The following BUB1B variants were observed in gnomAD, a reference collection of about 807,000 sequenced individuals.
The protein encoded by BUB1B is mitotic checkpoint serine/threonine-protein kinase BUB1 beta.
BUB1B carries 86 observed loss-of-function variants against 137.7 expected under a neutral mutation model. The ratio of observed to expected loss-of-function variants is 0.62; its 90% CI spans 0.52 to 0.75. The LOEUF (loss-of-function observed/expected upper bound fraction) is 0.75. Among genes scored for constraint, BUB1B ranks in the 30% least tolerant of loss-of-function variants. The probability of loss-of-function intolerance (pLI) is 0.00; values close to 1 mark genes in which losing one functional copy is unlikely to be tolerated. For missense variants in BUB1B, 1,130 were observed against 1,236.9 expected, an observed-to-expected ratio of 0.91 and a Z score of 1.30; for synonymous variants, 420 against 417.9, an observed-to-expected ratio of 1.00 and a Z score of -0.06.
intron 2 of BUB1B, among the ~76,000 whole-genome samples, chr15:40,168,900 C>G (rs996744169): frequency 2.6e-5 from 4 of 152,166 alleles, no homozygotes; most frequent in African/African-American, 9.7e-5. Context: ...CCTTCTGAGG[C>G]TGCTTCTGTG....
At chr15:40,167,934 A>G (rs2037120468) in intron 2 of BUB1B, among the ~76,000 whole-genome samples, 1 of 152,192 alleles carries the variant, frequency 6.6e-6, no homozygotes, top group Non-Finnish European at 1.5e-5. Flanking sequence ...GATTAGTTTT[A>G]CATAGCAAGT....
At chr15:40,191,179 C>T (rs145401398) in intron 8 of BUB1B, among the ~76,000 whole-genome samples, 98 of 152,268 alleles carry the variant, frequency 6.4e-4, no homozygotes, top group African/African-American at 2.3e-3. Context: ...TGAGCCACTG[C>T]GCCTGGCCAG....
At chr15:40,184,160 C>T (rs2037331519) in intron 6 of BUB1B, among the ~76,000 whole-genome samples, 1 of 152,142 alleles carries the variant, frequency 6.6e-6, no homozygotes, top group Non-Finnish European at 1.5e-5. Flanking sequence ...AGTAACATAG[C>T]AGGTGTTGTT....
At chr15:40,169,404 AAC>A (rs1359113434) in intron 2 of BUB1B, among the ~76,000 whole-genome samples, 1 of 152,054 alleles carries the variant, frequency 6.6e-6, no homozygotes, top group Non-Finnish European at 1.5e-5. Flanking sequence ...GGAAACTGAA[AAC>A]AGAGTTTTAA....
At chr15:40,208,859 G>A (rs1566827311) in intron 16 of BUB1B, 89 bp downstream of exon 16, 1 of 1,352,104 alleles carries the variant, frequency 7.4e-7, no homozygotes, top group Non-Finnish European at 1.0e-6. Context: ...TTTTGAGACA[G>A]GGTCTCACTC....
intron 5 of BUB1B, 100 bp from the exon 6 acceptor site, chr15:40,183,614 C>A (rs2037322576): frequency 9.6e-7 from 1 of 1,045,478 alleles, no homozygotes; most frequent in Non-Finnish European, 1.5e-6. Flanking sequence ...ATTCTTCCCC[C>A]AGCCTGCTCT....
At chr15:40,205,936 G>A (rs1211398378) in intron 14 of BUB1B, among the ~76,000 whole-genome samples, 2 of 152,166 alleles carry the variant, frequency 1.3e-5, no homozygotes, top group African/African-American at 4.8e-5. Flanking sequence ...TTAGTTCATA[G>A]GTGAAATTTG....
rs762290287 is a variant in BUB1B, at chr15:40,218,506, A to T, written c.2901A>T (p.Glu967Asp). The T allele has an allele frequency of 3.1e-6, 5 of 1,614,150 alleles. No individual in the cohort carries two copies. In the East Asian group the frequency reaches 1.1e-4, roughly 36 times the overall value. ...ADLAHLLLFK[E>D]HLQVFWDGSF... ...TAGCACATTTACTATTGTTCAAGGA[A>T]CACCTACAGGTCTTCTGGGATGGGT... The change falls in exon 22 of 23, where the codon GAA (glutamate) becomes GAT (aspartate). Residue 967 changes from glutamate to aspartate, a missense_variant. Transcript: ENST00000287598.
intron 20 of BUB1B, among the ~76,000 whole-genome samples, chr15:40,216,565 ATATATATTTTTTT>A (rs925597376): frequency 1.3e-5 from 1 of 78,662 alleles, no homozygotes; most frequent in African/African-American, 7.8e-5. Context: ...ATATATATAT[ATATATATTTTTTT>A]TTTTTTTTAA....
In BUB1B at chr15:40,185,391, T is replaced by TA; in HGVS notation, c.966+13dup. ...CCTTGGAACACAGGGTAAGGACTCT[T>TA]AGATCCAGTGCTTTGCTGACACAAC... On this transcript the variant is annotated intron_variant, in intron 7 of 22. Coordinates refer to ENST00000287598, the MANE Select transcript of BUB1B (RefSeq NM_001211.6). The TA allele has an allele frequency of 6.2e-7, 1 of 1,613,518 alleles. No individual in the cohort carries two copies. The highest frequency in any genetic ancestry group is 8.5e-7 in the Non-Finnish European group (1 of 1,179,632).
rs746703364 is a variant in BUB1B, at chr15:40,220,807, A to G, written c.*48A>G. The G allele has an allele frequency of 5.8e-6, 9 of 1,557,952 alleles. No homozygotes were observed. In the African/African-American group the frequency reaches 6.8e-5, roughly 12 times the overall value. On this transcript the variant is annotated 3_prime_UTR_variant, in exon 23 of 23. Transcript: ENST00000287598. The stretch of plus-strand genomic sequence containing the variant: ...ATTGCTGCCTCAGAGCAATGGTTGT[A>G]TTGTGGAACACTGAAACTGTATGTG...
At chr15:40,164,950 A>G (rs2037078064) in intron 1 of BUB1B, 103 bp from the exon 2 acceptor site, 1 of 1,425,742 alleles carries the variant, frequency 7.0e-7, no homozygotes, top group South Asian at 1.2e-5. Context: ...ACTATATTCA[A>G]CCCAAGACCA....
chr15:40,182,709 A>G (rs1280424173), intron 5 of BUB1B, among the ~76,000 whole-genome samples: 1 of 152,174 alleles, frequency 6.6e-6, no homozygotes, highest in African/African-American at 2.4e-5. Flanking sequence ...TGTTCAGCTC[A>G]TTCCTTTGCA....
intron 8 of BUB1B, among the ~76,000 whole-genome samples, chr15:40,190,830 T>C (rs1039465272): frequency 6.6e-6 from 1 of 151,992 alleles, no homozygotes; most frequent in African/African-American, 2.4e-5. Context: ...ATTCACATCC[T>C]AGGTGGAACA....
intron 9 of BUB1B, among the ~76,000 whole-genome samples, chr15:40,198,754 A>G (rs760008769): frequency 2.6e-5 from 4 of 152,178 alleles, no homozygotes; most frequent in Non-Finnish European, 4.4e-5. Flanking sequence ...TTAATTGACT[A>G]ATAAGCACAT....
At chr15:40,163,433 T>C (rs1336507496) in intron 1 of BUB1B, among the ~76,000 whole-genome samples, 1 of 152,202 alleles carries the variant, frequency 6.6e-6, no homozygotes, top group Non-Finnish European at 1.5e-5. Context: ...ATAAAGTGTG[T>C]ATGATAATCA....
intron 4 of BUB1B, among the ~76,000 whole-genome samples, chr15:40,170,992 G>C (rs1438710029): frequency 6.6e-6 from 1 of 152,142 alleles, no homozygotes; most frequent in Admixed American, 6.5e-5. Flanking sequence ...CTGGAGTGCA[G>C]TGGCTCCATC....
chr15:40,210,033 C>A, intron 17 of BUB1B, 77 bp from the exon 18 acceptor site: 1 of 1,253,810 alleles, frequency 8.0e-7, no homozygotes, highest in African/African-American at 1.5e-5. Context: ...GCCTCTATCC[C>A]TTAAACCAGG....
intron 22 of BUB1B, among the ~76,000 whole-genome samples, chr15:40,220,327 G>T (rs990640128): frequency 2.6e-5 from 4 of 152,188 alleles, no homozygotes; most frequent in African/African-American, 7.2e-5. Flanking sequence ...TATAGATTTA[G>T]ATGAGAGATC....
Sources: gnomAD v4.1 joint callset for allele counts (sites outside exome capture counted in the v4.1 genomes callset) on GRCh38, gnomAD v4.1.1 for gene constraint, MANE v1.5 for transcripts, NCBI Gene and HGNC (gene_info 2026-07-23, HGNC 2026-07-21) for gene names.